Variants in CELF2 observed in about 807,000 individuals in gnomAD.
CELF2 encodes the protein CUGBP Elav-like family member 2, also known as CUG triplet repeat RNA-binding protein 2.
A neutral mutation model predicts 62.6 loss-of-function variants in CELF2; 8 were observed. The observed-to-expected ratio is 0.13, with a 90% CI of 0.07 to 0.23. CELF2 has a LOEUF of 0.23. CELF2 is among the 10% of genes least tolerant of loss of function. The pLI is 1.00. For missense variants in CELF2, 333 were observed against 671.0 expected (o/e 0.50, Z 5.56); for synonymous variants, 258 against 250.0 (o/e 1.03, Z -0.30).
intron 1 of CELF2, among the ~76,000 whole-genome samples, chr10:11,129,581 C>A (rs2059297914): frequency 6.6e-6 from 1 of 152,108 alleles, no homozygotes; most frequent in African/African-American, 2.4e-5. Flanking sequence ...TTCAGAGATT[C>A]AACTTCTTCC....
chr10:11,064,810 G>A (rs1479119885), intron 1 of CELF2, among the ~76,000 whole-genome samples: 1 of 152,202 alleles, frequency 6.6e-6, no homozygotes, highest in Non-Finnish European at 1.5e-5. Context: ...TGCAGTCAGA[G>A]AGAAAAATCT....
chr10:10,679,262 T>G, the CELF2 span, among the ~76,000 whole-genome samples: 1 of 152,162 alleles, frequency 6.6e-6, no homozygotes, highest in Non-Finnish European at 1.5e-5. Flanking sequence ...GTAATAAGAC[T>G]AAGGACAAAA....
chr10:10,485,464 G>T, the CELF2 span, among the ~76,000 whole-genome samples: 1 of 152,112 alleles, frequency 6.6e-6, no homozygotes, highest in Admixed American at 6.6e-5. Flanking sequence ...CAAGTCTTTT[G>T]GTTACAAGTG....
chr10:10,919,509 T>C (rs2064679614), intron 1 of CELF2, among the ~76,000 whole-genome samples: 1 of 152,244 alleles, frequency 6.6e-6, no homozygotes, highest in South Asian at 2.1e-4. Context: ...TTGTGCTGTT[T>C]GTGTTCCTTC....
At chr10:10,933,394 G>T (rs537477650) in intron 2 of CELF2, among the ~76,000 whole-genome samples, 1 of 152,074 alleles carries the variant, frequency 6.6e-6, no homozygotes, top group South Asian at 2.1e-4. Context: ...ATCAAATCAG[G>T]GTATTTAGCA....
the CELF2 span, among the ~76,000 whole-genome samples, chr10:10,598,063 A>G: frequency 6.6e-6 from 1 of 152,216 alleles, no homozygotes; most frequent in East Asian, 1.9e-4. Flanking sequence ...TATCTGGGTT[A>G]AAAAGCATTT....
At chr10:11,029,612 A>G (rs1178878237) in intron 1 of CELF2, among the ~76,000 whole-genome samples, 1 of 152,218 alleles carries the variant, frequency 6.6e-6, no homozygotes. Context: ...ATTAGGGTGA[A>G]CCAGGGAACT....
chr10:10,828,000 T>TAAAAAAAAAAAAAAAAAAA (rs66721705), intron 1 of CELF2, among the ~76,000 whole-genome samples: 8 of 60,704 alleles, frequency 1.3e-4, no homozygotes, highest in Admixed American at 2.3e-4. Context: ...AGGCTAGTCT[T>TAAAAAAAAAAAAAAAAAAA]AAAAAAAAAA....
intron 1 of CELF2, 144 bp downstream of exon 1, chr10:11,018,307 G>T (rs928550370): frequency 1.8e-6 from 1 of 566,194 alleles, no homozygotes; most frequent in Non-Finnish European, 2.7e-6. Context: ...TTCGGAGGCC[G>T]GCACGGGACG....
chr10:10,753,750 C>T, the CELF2 span, among the ~76,000 whole-genome samples: 1 of 152,204 alleles, frequency 6.6e-6, no homozygotes, highest in African/African-American at 2.4e-5. Flanking sequence ...GTCACATGCA[C>T]CTGACTTCAC....
At chr10:10,984,249 G>A (rs1564310886) in intron 2 of CELF2, among the ~76,000 whole-genome samples, 1 of 152,154 alleles carries the variant, frequency 6.6e-6, no homozygotes, top group African/African-American at 2.4e-5. Flanking sequence ...TTACTCTAGT[G>A]GCCACCTTCT....
the CELF2 span, among the ~76,000 whole-genome samples, chr10:10,674,833 T>C: frequency 4.0e-5 from 6 of 151,578 alleles, no homozygotes; most frequent in Non-Finnish European, 7.4e-5. Flanking sequence ...AGTGTGCCAC[T>C]TGTGCCAGTG....
chr10:11,171,695 C>T (rs11813682), intron 2 of CELF2, among the ~76,000 whole-genome samples: 2,200 of 152,306 alleles, frequency 0.014, 55 homozygotes, highest in African/African-American at 0.051. Flanking sequence ...ATGACCAGCT[C>T]ATGCAGAGAA....
At position 11,318,969 on chromosome 10, in the gene CELF2, GGGAACT is replaced by G; in HGVS notation, c.1097-2219_1097-2214del. ...GGTGCGATGCTGCCCACCCCTCCAT[GGGAACT>G]TGGAGGCGTCCACTGGAGACGAGCT... is the stretch of plus-strand genomic sequence containing the variant. On this transcript the variant is annotated intron_variant, in intron 10 of 12. Coordinates refer to ENST00000633077, the MANE Select transcript of CELF2 (RefSeq NM_001326342.2). This position sits in a 1 kb window ranked among gnomAD's most constrained non-coding sequence, Gnocchi z 5.4. The G allele has an allele frequency of 2.1e-6, 1 of 471,152 alleles. No individual in the cohort carries two copies. The highest frequency in any genetic ancestry group is 2.3e-5 in the Admixed American group (1 of 42,592). The allele number at this position is 471,152 out of a possible 1,614,324, so 29.2% of individuals were successfully genotyped here. A position where few individuals can be genotyped will look rare whatever the true frequency, so the allele number is the denominator to read the frequency against.
At chr10:10,536,854 G>C in the CELF2 span, among the ~76,000 whole-genome samples, 2 of 152,244 alleles carry the variant, frequency 1.3e-5, no homozygotes, top group South Asian at 4.1e-4. Flanking sequence ...ACGGGCATCA[G>C]TTGGGATTAT....
chr10:10,696,358 G>T, the CELF2 span, among the ~76,000 whole-genome samples: 1 of 151,058 alleles, frequency 6.6e-6, no homozygotes, highest in African/African-American at 2.4e-5. Flanking sequence ...CAGTCTGCCC[G>T]TTCTCAGATC....
chr10:10,901,587 C>A (rs1410166314), intron 1 of CELF2, among the ~76,000 whole-genome samples: 1 of 152,178 alleles, frequency 6.6e-6, no homozygotes, highest in Non-Finnish European at 1.5e-5. Flanking sequence ...AGAAAAATGT[C>A]TGTGACTGAG....
chr10:10,696,988 C>T, the CELF2 span, among the ~76,000 whole-genome samples: 22 of 152,234 alleles, frequency 1.4e-4, no homozygotes, highest in East Asian at 2.5e-3. Flanking sequence ...TGTTCCTATT[C>T]GGCCATCTTG....
the CELF2 span, among the ~76,000 whole-genome samples, chr10:10,571,570 C>T: frequency 6.6e-6 from 1 of 152,034 alleles, no homozygotes. Flanking sequence ...TAAAAGCGAC[C>T]ATGGGTTGTA....
Sources: allele counts gnomAD v4.1 joint callset (sites outside exome capture counted in the v4.1 genomes callset), GRCh38; gene constraint gnomAD v4.1.1; non-coding constraint Gnocchi (gnomAD v3.1); transcripts MANE v1.5; gene names NCBI Gene and HGNC (gene_info 2026-07-23, HGNC 2026-07-21).